ADTRP: variants seen among roughly 807,000 people sequenced by gnomAD.
ADTRP encodes androgen dependent TFPI regulating protein.
ADTRP carries 20 observed loss-of-function variants against 27.0 expected under a neutral mutation model. The ratio of observed to expected loss-of-function variants is 0.74; its 90% CI spans 0.52 to 1.08. The LOEUF (loss-of-function observed/expected upper bound fraction) is 1.08. Among genes scored for constraint, ADTRP ranks in the 50% least tolerant of loss-of-function variants. The pLI, the probability that ADTRP is intolerant of heterozygous loss-of-function variation, is 0.00. For synonymous variants in ADTRP, 101 were observed against 105.2 expected (o/e 0.96, Z 0.25); for missense variants, 251 against 275.0 (o/e 0.91, Z 0.62).
rs116586134 is a variant in ADTRP at position 11,766,317 on chromosome 6, T to C, written c.347A>G (p.Lys116Arg). The C allele has an allele frequency of 3.3e-4, 540 of 1,612,936 alleles. 4 individuals carry two copies. In the African/African-American group the frequency reaches 6.1e-3, roughly 18 times the overall value. ...CACGGGGATGACAGTATCTAGGACC[T>C]TGGGGTAAATGAGATCTCGATTGTA... ...FLYNRDLIYP[K>R]VLDTVIPVWL... The change falls in exon 3 of 6, where the codon AAG (lysine) becomes AGG (arginine). Residue 116 changes from lysine to arginine, a missense_variant. Physicochemically the swap from Lys to Arg is conservative, Grantham distance 26. Transcript: ENST00000414691.
chr6:11,758,314 G>A (rs1763278267), intron 3 of ADTRP, among the ~76,000 whole-genome samples: 1 of 152,084 alleles, frequency 6.6e-6, no homozygotes, highest in Non-Finnish European at 1.5e-5. Context: ...TTGGTTGTTG[G>A]GTTAATGCTT....
At chr6:11,772,282 G>A (rs1422503117) in intron 1 of ADTRP, among the ~76,000 whole-genome samples, 1 of 152,166 alleles carries the variant, frequency 6.6e-6, no homozygotes, top group East Asian at 1.9e-4. Flanking sequence ...GTTGCTAGCT[G>A]ACAAACTAAC....
At chr6:11,774,559 C>T (rs6929400) in intron 1 of ADTRP, among the ~76,000 whole-genome samples, 106,306 of 151,248 alleles carry the variant, frequency 0.7, 38,022 homozygotes, top group East Asian at 0.92. Flanking sequence ...GTGATGACGA[C>T]GGAGCTGCCT....
chr6:11,766,017 G>A (rs1763559455), intron 3 of ADTRP, among the ~76,000 whole-genome samples: 1 of 152,136 alleles, frequency 6.6e-6, no homozygotes, highest in Admixed American at 6.5e-5. Flanking sequence ...TCTCAGAACT[G>A]TGTGTCTTTT....
At chr6:11,754,511 G>A (rs2235405) in intron 3 of ADTRP, among the ~76,000 whole-genome samples, 19 of 151,994 alleles carry the variant, frequency 1.3e-4, no homozygotes, top group Admixed American at 2.0e-4. Context: ...TCCACGTGAC[G>A]GACGTGTAAT....
chr6:11,745,895 A>G (rs1762851795), intron 3 of ADTRP, among the ~76,000 whole-genome samples: 1 of 152,008 alleles, frequency 6.6e-6, no homozygotes, highest in African/African-American at 2.4e-5. Context: ...GGTTCAAGCG[A>G]TTCTCCTGCC....
intron 5 of ADTRP, 49 bp downstream of exon 5, chr6:11,723,300 G>A (rs1394563124): frequency 6.3e-7 from 1 of 1,597,654 alleles, no homozygotes; most frequent in Non-Finnish European, 8.5e-7. Flanking sequence ...GAAGGGGAGA[G>A]GCAGACACGG....
chr6:11,735,945 T>C, intron 3 of ADTRP: 2 of 302,524 alleles, frequency 6.6e-6, no homozygotes, highest in Non-Finnish European at 1.2e-5. Context: ...TGCTCCCCTC[T>C]CCCTACTTTT....
intron 3 of ADTRP, among the ~76,000 whole-genome samples, chr6:11,763,781 A>C (rs1332479954): frequency 6.6e-6 from 1 of 152,240 alleles, no homozygotes; most frequent in Non-Finnish European, 1.5e-5. Flanking sequence ...GAAAATGTCC[A>C]GAACAAGGAA....
chr6:11,756,131 C>G (rs138467446), intron 3 of ADTRP, among the ~76,000 whole-genome samples: 13 of 152,220 alleles, frequency 8.5e-5, no homozygotes, highest in African/African-American at 2.6e-4. Flanking sequence ...AATCCCAACA[C>G]TTTGTTAGGC....
chr6:11,717,556 A>G, intron 5 of ADTRP: 14 of 1,017,462 alleles, frequency 1.4e-5, no homozygotes, highest in Non-Finnish European at 1.6e-5. Flanking sequence ...CTATGTATCT[A>G]CAACCACAAA....
intron 5 of ADTRP, among the ~76,000 whole-genome samples, chr6:11,719,787 T>C (rs1761957405): frequency 6.6e-6 from 1 of 152,208 alleles, no homozygotes; most frequent in Admixed American, 6.5e-5. Flanking sequence ...GTCCGTCTGC[T>C]ATCGGGTAGC....
intron 4 of ADTRP, among the ~76,000 whole-genome samples, chr6:11,733,574 T>G (rs1581325018): frequency 6.6e-6 from 1 of 152,250 alleles, no homozygotes; most frequent in Admixed American, 6.5e-5. Context: ...CATAGCATCC[T>G]GGGCTTATGC....
chr6:11,778,716 C>A lies in ADTRP; in HGVS notation c.44G>T (p.Ser15Ile). 1 of 1,614,196 alleles carries A rather than the reference C, an allele frequency of 6.2e-7. No individual in the cohort carries two copies. Among genetic ancestry groups the A allele is most frequent in the African/African-American group, 1.3e-5 (1 of 75,042 alleles). Residue 15 changes from serine to isoleucine, a missense_variant, in exon 1 of 6, where the codon AGC becomes ATC. Transcript: ENST00000414691. ...STCIYHFLVLSWYTFLNYYIS... is the reference protein window; with the variant it reads ...STCIYHFLVLIWYTFLNYYIS... Reference sequence around the variant, plus strand: ...GTAATAATTGAGGAAAGTATACCAGCTCAGAACAAGGAAGTGGTATATGCA... The same window carrying A: ...GTAATAATTGAGGAAAGTATACCAGATCAGAACAAGGAAGTGGTATATGCA...
intron 3 of ADTRP, among the ~76,000 whole-genome samples, chr6:11,750,938 G>A (rs1020259913): frequency 1.3e-5 from 2 of 152,052 alleles, no homozygotes; most frequent in South Asian, 2.1e-4. Flanking sequence ...TACAACCTCC[G>A]CCTCCCAGGC....
At chr6:11,716,848 C>T (rs186377001) in intron 5 of ADTRP, among the ~76,000 whole-genome samples, 201 of 149,980 alleles carry the variant, frequency 1.3e-3, no homozygotes, top group Non-Finnish European at 1.4e-3. Flanking sequence ...TCCCGAGTAG[C>T]TGGGACTACA....
chr6:11,730,398 A>C (rs1762347189), intron 4 of ADTRP, among the ~76,000 whole-genome samples: 1 of 152,152 alleles, frequency 6.6e-6, no homozygotes, highest in African/African-American at 2.4e-5. Flanking sequence ...TAGGGAGTTC[A>C]CAACATGGTT....
intron 1 of ADTRP, 93 bp downstream of exon 1, chr6:11,778,514 T>C (rs1448952765): frequency 2.4e-5 from 34 of 1,424,060 alleles, no homozygotes; most frequent in Non-Finnish European, 2.8e-5. Flanking sequence ...AATAACAAAA[T>C]TGTGTATTTA....
At chr6:11,766,400 G>T in intron 2 of ADTRP, 25 bp from the exon 3 acceptor site, 1 of 1,534,018 alleles carries the variant, frequency 6.5e-7, no homozygotes, top group Non-Finnish European at 9.0e-7. Flanking sequence ...ACAAAAAATA[G>T]CATCATTAGG....
Sources: allele counts gnomAD v4.1 joint callset (sites outside exome capture counted in the v4.1 genomes callset), GRCh38; gene constraint gnomAD v4.1.1; transcripts MANE v1.5; gene names NCBI Gene and HGNC (gene_info 2026-07-23, HGNC 2026-07-21).